SPATA16: variants seen among roughly 807,000 people sequenced by gnomAD.
The protein encoded by SPATA16 is spermatogenesis-associated protein 16.
SPATA16 carries 36 observed loss-of-function variants against 63.3 expected under a neutral mutation model. That is an observed-to-expected ratio of 0.57 (90% CI 0.44 to 0.75). The LOEUF is 0.75. Among genes scored for constraint, SPATA16 ranks in the 30% least tolerant of loss-of-function variants. The probability of loss-of-function intolerance (pLI) is 0.00; values close to 1 mark genes in which losing one functional copy is unlikely to be tolerated. For missense variants in SPATA16, 646 were observed against 679.3 expected (o/e 0.95, Z 0.54); for synonymous variants, 203 against 216.7 (o/e 0.94, Z 0.56).
intron 2 of SPATA16, among the ~76,000 whole-genome samples, chr3:173,095,247 C>G (rs1341965838): frequency 6.6e-6 from 1 of 152,048 alleles, no homozygotes; most frequent in African/African-American, 2.4e-5. Flanking sequence ...AAACTAAACA[C>G]TTAATGAATG....
At chr3:173,098,836 C>T (rs1407498115) in intron 2 of SPATA16, among the ~76,000 whole-genome samples, 1 of 152,072 alleles carries the variant, frequency 6.6e-6, no homozygotes, top group African/African-American at 2.4e-5. Flanking sequence ...TAAAGCCGCC[C>T]ATATGATCAC....
At chr3:173,023,413 T>G (rs1355523605) in intron 3 of SPATA16, among the ~76,000 whole-genome samples, 4 of 152,018 alleles carry the variant, frequency 2.6e-5, no homozygotes, top group Admixed American at 6.6e-5. Flanking sequence ...TATCTTTATT[T>G]TATAATAGAT....
chr3:173,069,112 G>GAAAAAAAAAAAAAAAAAAAAA (rs541801266), intron 2 of SPATA16, among the ~76,000 whole-genome samples: 1 of 109,164 alleles, frequency 9.2e-6, no homozygotes, highest in African/African-American at 3.7e-5. Flanking sequence ...TCCGTCTCAA[G>GAAAAAAAAAAAAAAAAAAAAA]AAAAAAAAAA....
At chr3:172,968,437 A>G (rs536796189) in intron 5 of SPATA16, among the ~76,000 whole-genome samples, 1 of 152,356 alleles carries the variant, frequency 6.6e-6, no homozygotes, top group African/African-American at 2.4e-5. Flanking sequence ...GCCTATTGGC[A>G]TGTACATGTT....
chr3:173,094,043 CTT>C (rs11351279), intron 2 of SPATA16, among the ~76,000 whole-genome samples: 12 of 144,306 alleles, frequency 8.3e-5, no homozygotes, highest in South Asian at 2.2e-4. Context: ...ATTCCTTTTT[CTT>C]TTTTTTTTTT....
intron 4 of SPATA16, among the ~76,000 whole-genome samples, chr3:172,982,023 C>T (rs1734334214): frequency 6.6e-6 from 1 of 152,206 alleles, no homozygotes; most frequent in Non-Finnish European, 1.5e-5. Flanking sequence ...AGATTTTTGT[C>T]TGTTTTATTC....
At chr3:172,936,658 G>A (rs527426460) in intron 6 of SPATA16, among the ~76,000 whole-genome samples, 1 of 152,040 alleles carries the variant, frequency 6.6e-6, no homozygotes, top group African/African-American at 2.4e-5. Flanking sequence ...TAGTTGCTTG[G>A]TCAGAAGTAT....
chr3:173,069,123 A>AAAAAAG (rs1553799224), intron 2 of SPATA16, among the ~76,000 whole-genome samples: 1 of 151,368 alleles, frequency 6.6e-6, no homozygotes, highest in Admixed American at 6.6e-5. Context: ...AAAAAAAAAA[A>AAAAAAG]AAAGAAAGAA....
intron 2 of SPATA16, among the ~76,000 whole-genome samples, chr3:173,068,877 G>T (rs900547509): frequency 6.6e-6 from 1 of 151,150 alleles, no homozygotes; most frequent in South Asian, 2.1e-4. Flanking sequence ...TTGGAAGGCC[G>T]AGGCGGGCGG....
At position 173,117,550 on chromosome 3, in the gene SPATA16, T is replaced by G; in HGVS notation, c.182A>C (p.Glu61Ala). 1 of 1,614,132 alleles carries G rather than the reference T, an allele frequency of 6.2e-7. No individual in the cohort carries two copies. The highest frequency in any genetic ancestry group is 1.7e-5 in the Admixed American group (1 of 60,008). ...GATGCCCTTTGTCATTTTTGTTCTT[T>G]CAAGTGTGATTTCTACCTGTTTACC... The part of the protein sequence containing the change: ...CGGKQVEITL[E>A]RTKMTKGIKE... The change falls in exon 2 of 11, where the codon GAA becomes GCA. Residue 61 changes from glutamate (E) to alanine (A), a missense_variant. Coordinates refer to ENST00000351008, the MANE Select transcript of SPATA16 (RefSeq NM_031955.6).
In SPATA16 at chr3:172,889,525, CTCT is replaced by C. The variant is rs1731850414; in HGVS notation, c.*42_*44del. 1 of 1,612,252 alleles carries C rather than the reference CTCT, an allele frequency of 6.2e-7. No homozygotes were observed. On this transcript the variant is annotated 3_prime_UTR_variant, in exon 11 of 11. Coordinates refer to ENST00000351008, the MANE Select transcript of SPATA16 (RefSeq NM_031955.6). ...TGGGCATTGGAGTGGATGCCCTTGC[CTCT>C]TCTTCTGGGATATCTTAGTGGTAGT...
intron 6 of SPATA16, among the ~76,000 whole-genome samples, chr3:172,931,095 A>G (rs1253576877): frequency 1.3e-5 from 2 of 152,190 alleles, no homozygotes; most frequent in Non-Finnish European, 2.9e-5. Context: ...AAGTGCTGGG[A>G]TTACAGGCGT....
In SPATA16 at chr3:173,010,458, G is replaced by A. The variant is rs546323857; in HGVS notation, c.848+9028C>T. Among the ~76,000 whole-genome samples the A allele has an allele frequency of 6.9e-4, 105 of 151,728 alleles. 1 individual carries two copies. Among genetic ancestry groups the A allele is most frequent in the Middle Eastern group, 3.4e-3 (1 of 294 alleles). On this transcript the variant is annotated intron_variant, in intron 4 of 10. Coordinates refer to ENST00000351008, the MANE Select transcript of SPATA16 (RefSeq NM_031955.6). ...GGCGTGTGTGTGTGTGTGTGTGTGT[G>A]TGTGTGTGTGTGTTTGTTTTTGTTT... is the stretch of plus-strand genomic sequence containing the variant.
chr3:172,920,872 A>G (rs1203006573), intron 8 of SPATA16, among the ~76,000 whole-genome samples: 2 of 152,150 alleles, frequency 1.3e-5, no homozygotes, highest in Non-Finnish European at 2.9e-5. Flanking sequence ...GTATTATGTC[A>G]AGGACTAGTA....
At chr3:173,032,218 T>C (rs1009312541) in intron 3 of SPATA16, among the ~76,000 whole-genome samples, 6 of 152,104 alleles carry the variant, frequency 3.9e-5, no homozygotes, top group Non-Finnish European at 8.8e-5. Flanking sequence ...CTGCAACTAA[T>C]TAAATGTGAA....
At chr3:172,906,034 T>C (rs1732226201) in intron 10 of SPATA16, among the ~76,000 whole-genome samples, 1 of 152,262 alleles carries the variant, frequency 6.6e-6, no homozygotes, top group Non-Finnish European at 1.5e-5. Flanking sequence ...GTTTAGGCTT[T>C]ATAAATGAAG....
At chr3:173,090,137 G>C (rs1482242646) in intron 2 of SPATA16, among the ~76,000 whole-genome samples, 1 of 152,184 alleles carries the variant, frequency 6.6e-6, no homozygotes, top group Admixed American at 6.5e-5. Flanking sequence ...GGCTTGGTGA[G>C]AGCTGATTGG....
At chr3:172,928,704 C>G (rs980706259) in intron 6 of SPATA16, among the ~76,000 whole-genome samples, 1 of 152,110 alleles carries the variant, frequency 6.6e-6, no homozygotes, top group East Asian at 1.9e-4. Flanking sequence ...ATAAAACATG[C>G]TTGCAAAAAT....
chr3:172,971,918 G>T (rs1220907669), intron 5 of SPATA16, among the ~76,000 whole-genome samples: 1 of 152,130 alleles, frequency 6.6e-6, no homozygotes, highest in Non-Finnish European at 1.5e-5. Context: ...AGTTGTAAAA[G>T]AGTCTTAGCC....
Sources: allele counts gnomAD v4.1 joint callset (sites outside exome capture counted in the v4.1 genomes callset), GRCh38; gene constraint gnomAD v4.1.1; transcripts MANE v1.5; gene names NCBI Gene and HGNC (gene_info 2026-07-23, HGNC 2026-07-21).